SPG11: variants seen among roughly 807,000 people sequenced by gnomAD.
SPG11 encodes the protein SPG11 vesicle trafficking associated, spatacsin.
A neutral mutation model predicts 274.0 loss-of-function variants in SPG11; 222 were observed. The ratio of observed to expected loss-of-function variants is 0.81; its 90% CI spans 0.73 to 0.91. SPG11 has a LOEUF of 0.91. Ranked by LOEUF, SPG11 falls within the 40% of genes least tolerant of loss-of-function variation. SPG11 has a pLI of 0.00. For synonymous variants in SPG11, 1,144 were observed against 1,039.7 expected (o/e 1.10, Z -1.93); for missense variants, 3,114 against 2,872.7 (o/e 1.08, Z -1.92).
At position 44,660,421 on chromosome 15, in the gene SPG11, T is replaced by C. The variant is rs2085070168; in HGVS notation, c.442+11A>G. ...TTTAAATATGCTGAAAGACCACCTG[T>C]AGATACTTACTGATATCTTGATCGT... On this transcript the variant is annotated intron_variant, in intron 2 of 39. Transcript: ENST00000261866. The C allele has an allele frequency of 1.9e-6, 3 of 1,611,196 alleles. No individual in the cohort carries two copies. In the East Asian group the frequency reaches 6.7e-5, roughly 36 times the overall value.
intron 38 of SPG11, 120 bp downstream of exon 38, chr15:44,565,734 T>A: frequency 7.8e-7 from 1 of 1,275,140 alleles, no homozygotes; most frequent in Non-Finnish European, 1.1e-6. Flanking sequence ...GAGAGTTAAA[T>A]CAGAACTGTA....
intron 30 of SPG11, 88 bp from the exon 31 acceptor site, chr15:44,575,129 G>A: frequency 6.5e-7 from 1 of 1,539,962 alleles, no homozygotes; most frequent in Non-Finnish European, 8.8e-7. Flanking sequence ...TCTGCTTGAA[G>A]CTCCCTGCAC....
At chr15:44,573,970 A>C in intron 31 of SPG11, 1 of 595,158 alleles carries the variant, frequency 1.7e-6, no homozygotes, top group Non-Finnish European at 3.0e-6. Context: ...AGAAAGCATC[A>C]GGTTATTCTC....
intron 20 of SPG11, among the ~76,000 whole-genome samples, chr15:44,602,467 A>G (rs1291691164): frequency 6.6e-6 from 1 of 150,852 alleles, no homozygotes; most frequent in Non-Finnish European, 1.5e-5. Context: ...TATTGATATG[A>G]TCATATGGTT....
In SPG11 at chr15:44,620,159, C is replaced by A. The variant is rs768891838; in HGVS notation, c.2834+31G>T. The A allele has an allele frequency of 4.6e-6, 7 of 1,524,340 alleles. No homozygotes were observed. In the South Asian group the frequency reaches 7.9e-5, roughly 17 times the overall value. The allele number at this position is 1,524,340 out of a possible 1,614,324, so 94.4% of individuals were successfully genotyped here. A position where few individuals can be genotyped will look rare whatever the true frequency, so the allele number is the denominator to read the frequency against. ...TTCTTGCTCTTCCCTTGTATTCTTC[C>A]CATTGGGTATTAGTTCAACAGTTAT... is the stretch of plus-strand genomic sequence containing the variant. On this transcript the variant is annotated intron_variant, in intron 15 of 39. Coordinates refer to ENST00000261866, the MANE Select transcript of SPG11 (RefSeq NM_025137.4).
intron 26 of SPG11, among the ~76,000 whole-genome samples, chr15:44,593,247 G>A (rs979024646): frequency 6.6e-6 from 1 of 152,060 alleles, no homozygotes; most frequent in Non-Finnish European, 1.5e-5. Context: ...CCAGGCTGGA[G>A]TGCAGTGGCA....
At chr15:44,581,309 C>T (rs1369977900) in intron 30 of SPG11, among the ~76,000 whole-genome samples, 1 of 152,026 alleles carries the variant, frequency 6.6e-6, no homozygotes, top group Non-Finnish European at 1.5e-5. Context: ...TGGGCTCAAG[C>T]GATCCTCGTG....
chr15:44,637,288 A>G (rs2084306898), intron 7 of SPG11, among the ~76,000 whole-genome samples: 1 of 152,220 alleles, frequency 6.6e-6, no homozygotes, highest in Non-Finnish European at 1.5e-5. Flanking sequence ...TGAAAGACCA[A>G]TGTGACAAAT....
intron 8 of SPG11, among the ~76,000 whole-genome samples, chr15:44,630,865 A>G (rs1260548760): frequency 6.6e-6 from 1 of 152,190 alleles, no homozygotes; most frequent in Non-Finnish European, 1.5e-5. Context: ...GGCGTGAGAC[A>G]CTGCACCCAG....
chr15:44,624,900 C>T (rs1002695701), intron 11 of SPG11, among the ~76,000 whole-genome samples: 6 of 151,942 alleles, frequency 3.9e-5, no homozygotes, highest in Admixed American at 1.3e-4. Context: ...TTTGGGAGGT[C>T]GAGGCAGGTG....
At chr15:44,575,896 A>G (rs1400493347) in intron 30 of SPG11, among the ~76,000 whole-genome samples, 3 of 152,144 alleles carry the variant, frequency 2.0e-5, no homozygotes, top group African/African-American at 7.2e-5. Flanking sequence ...TAATCCCAGC[A>G]CTTTGGGAGG....
At chr15:44,596,569 G>A (rs2083044473) in intron 24 of SPG11, among the ~76,000 whole-genome samples, 3 of 142,824 alleles carry the variant, frequency 2.1e-5, no homozygotes. Context: ...TTCAGTACTA[G>A]TGCCTTGTCT....
At chr15:44,644,772 A>C (rs917100865) in intron 7 of SPG11, among the ~76,000 whole-genome samples, 1 of 152,238 alleles carries the variant, frequency 6.6e-6, no homozygotes, top group Non-Finnish European at 1.5e-5. Context: ...CAGCATTTCT[A>C]TACACCAACA....
At chr15:44,584,933 C>A (rs1022241963) in intron 29 of SPG11, among the ~76,000 whole-genome samples, 12 of 152,146 alleles carry the variant, frequency 7.9e-5, no homozygotes, top group African/African-American at 2.9e-4. Context: ...CTGGCCTTAT[C>A]ATACTTGTTA....
chr15:44,566,384 C>A, intron 36 of SPG11, 79 bp from the exon 37 acceptor site: 1 of 1,412,182 alleles, frequency 7.1e-7, no homozygotes. Context: ...GTGATCGTGG[C>A]TAGAATAGAA....
At chr15:44,620,118 G>A in intron 15 of SPG11, 72 bp downstream of exon 15, 1 of 1,186,024 alleles carries the variant, frequency 8.4e-7, no homozygotes. Flanking sequence ...CAAAGGAAAA[G>A]CTATACCATT....
intron 9 of SPG11, 79 bp from the exon 10 acceptor site, chr15:44,628,923 A>G (rs2083979205): frequency 7.0e-7 from 1 of 1,418,788 alleles, no homozygotes; most frequent in Non-Finnish European, 9.9e-7. Flanking sequence ...AATTCTAAAG[A>G]AAGTCAAAAT....
chr15:44,623,434 G>C (rs2083809812), intron 11 of SPG11, among the ~76,000 whole-genome samples: 1 of 152,128 alleles, frequency 6.6e-6, no homozygotes, highest in African/African-American at 2.4e-5. Context: ...CTTTTACACA[G>C]TTCCACTCCT....
chr15:44,606,482 G>C (rs990376102), intron 19 of SPG11, among the ~76,000 whole-genome samples: 1 of 152,058 alleles, frequency 6.6e-6, no homozygotes, highest in Non-Finnish European at 1.5e-5. Flanking sequence ...CAAAGAACAG[G>C]GTAGGCAAGG....
Sources: allele counts gnomAD v4.1 joint callset (sites outside exome capture counted in the v4.1 genomes callset), GRCh38; gene constraint gnomAD v4.1.1; transcripts MANE v1.5; gene names NCBI Gene and HGNC (gene_info 2026-07-23, HGNC 2026-07-21).